Variants in LIMS1 observed in about 807,000 individuals in gnomAD.
LIMS1 encodes the protein LIM zinc finger domain containing 1.
Under a neutral mutation model 44.1 loss-of-function variants are expected in LIMS1, and 18 were observed. The observed-to-expected ratio is 0.41, with a 90% CI of 0.28 to 0.61. The LOEUF is 0.61. Ranked by LOEUF, LIMS1 falls within the 20% of genes least tolerant of loss-of-function variation. LIMS1 has a pLI of 0.32. For missense variants in LIMS1, 201 were observed against 422.0 expected (o/e 0.48, Z 4.59); for synonymous variants, 93 against 149.1 (o/e 0.62, Z 2.74).
At chr2:108,675,956 C>T in exon 6 of LIMS1, 1 of 1,613,988 alleles carries the variant, frequency 6.2e-7, no homozygotes. Context: ...TGGGGGTCCC[C>T]ATCTGTGGTG....
chr2:108,551,622 A>ATCTGTG (rs1404305782), intron 1 of LIMS1, among the ~76,000 whole-genome samples: 1,687 of 142,702 alleles, frequency 0.012, 45 homozygotes, highest in African/African-American at 0.044. Context: ...ATATATGTAT[A>ATCTGTG]TATGTGTATA....
intron 1 of LIMS1, among the ~76,000 whole-genome samples, chr2:108,651,078 A>C (rs2148945574): frequency 6.6e-6 from 1 of 152,272 alleles, no homozygotes; most frequent in South Asian, 2.1e-4. Context: ...TGCTAAAGGA[A>C]GGGCAGCCCA....
chr2:108,622,034 AT>A (rs941418414), intron 1 of LIMS1, among the ~76,000 whole-genome samples: 38 of 152,200 alleles, frequency 2.5e-4, no homozygotes, highest in Middle Eastern at 3.4e-3. Flanking sequence ...ACACAATTTT[AT>A]TTTTTTGTTG....
chr2:108,656,292 T>C (rs958386605), intron 1 of LIMS1, among the ~76,000 whole-genome samples: 2 of 137,592 alleles, frequency 1.5e-5, no homozygotes, highest in African/African-American at 5.2e-5. Context: ...TCCTGACTTT[T>C]ACATATAAAT....
rs1250354501 is a variant in LIMS1, at chr2:108,661,551, A to G, written c.192+1787A>G. Among the ~76,000 whole-genome samples the G allele has an allele frequency of 2.0e-5, 3 of 152,118 alleles. No individual in the cohort carries two copies. The East Asian group carries it at 5.8e-4, about 29-fold the overall frequency. ...CAGAAGAGGGCAGGAGAGGAGCTCC[A>G]GAGGTGTGAATGGAGGCATCAGGCA... On this transcript the variant is annotated intron_variant, in intron 2 of 9. Coordinates refer to ENST00000544547, the Ensembl canonical transcript of LIMS1.
intron 1 of LIMS1, among the ~76,000 whole-genome samples, chr2:108,650,715 T>C (rs993894819): frequency 3.3e-5 from 5 of 152,346 alleles, no homozygotes; most frequent in African/African-American, 1.2e-4. Flanking sequence ...CGTGAGCCAC[T>C]GCACCTGACC....
At chr2:108,563,690 T>C (rs1685199337) in intron 1 of LIMS1, among the ~76,000 whole-genome samples, 1 of 152,210 alleles carries the variant, frequency 6.6e-6, no homozygotes, top group Admixed American at 6.5e-5. Context: ...ATTATTGAAA[T>C]GATAACAAAG....
At chr2:108,667,097 ACCCCAAC>A (rs1320162014) in intron 2 of LIMS1, among the ~76,000 whole-genome samples, 1 of 151,790 alleles carries the variant, frequency 6.6e-6, no homozygotes, top group Non-Finnish European at 1.5e-5. Flanking sequence ...GGGGCTGAAA[ACCCCAAC>A]CATCCGATTC....
chr2:108,560,482 C>T (rs1685075009), intron 1 of LIMS1, among the ~76,000 whole-genome samples: 2 of 152,164 alleles, frequency 1.3e-5, no homozygotes, highest in South Asian at 4.2e-4. Flanking sequence ...ACCAGCGGGG[C>T]TTCCATCCCA....
intron 1 of LIMS1, among the ~76,000 whole-genome samples, chr2:108,604,226 T>C (rs1687155518): frequency 6.6e-6 from 1 of 152,200 alleles, no homozygotes; most frequent in Admixed American, 6.5e-5. Context: ...TTGACCTTTT[T>C]TAATGGTTGA....
intron 1 of LIMS1, among the ~76,000 whole-genome samples, chr2:108,543,446 A>G (rs1684381500): frequency 6.6e-6 from 1 of 152,224 alleles, no homozygotes; most frequent in African/African-American, 2.4e-5. Flanking sequence ...ACAGAAACCT[A>G]CCAAGAGTTT....
Position 108,674,733 on chromosome 2 carries a change from A to G in LIMS1, c.531-1145A>G, listed in dbSNP as rs1353603765. On this transcript the variant is annotated intron_variant, in intron 5 of 9. Transcript: ENST00000544547. ...AAGACTCGTCTCAAAAAAAAAAAAAAAAAAAGAGAAAGAAAGAAAACAGTT... is the reference window on the plus strand; with the variant it reads ...AAGACTCGTCTCAAAAAAAAAAAAAGAAAAAGAGAAAGAAAGAAAACAGTT... Among the ~76,000 whole-genome samples the G allele has an allele frequency of 2.0e-5, 3 of 146,986 alleles. No individual in the cohort carries two copies. In the Admixed American group the frequency reaches 2.1e-4, roughly 10 times the overall value.
At chr2:108,643,602 A>T (rs1235752486) in intron 1 of LIMS1, among the ~76,000 whole-genome samples, 1 of 150,284 alleles carries the variant, frequency 6.7e-6, no homozygotes, top group Non-Finnish European at 1.5e-5. Flanking sequence ...TTTTTTTCAT[A>T]CCCCAGTGGT....
intron 1 of LIMS1, among the ~76,000 whole-genome samples, chr2:108,644,411 G>A (rs1205870123): frequency 6.6e-6 from 1 of 152,158 alleles, no homozygotes; most frequent in African/African-American, 2.4e-5. Flanking sequence ...GGGCCTGACT[G>A]TTAGAAGGAA....
At chr2:108,617,872 A>G (rs1263330002) in intron 1 of LIMS1, among the ~76,000 whole-genome samples, 1 of 152,186 alleles carries the variant, frequency 6.6e-6, no homozygotes, top group Non-Finnish European at 1.5e-5. Flanking sequence ...TGCTGGAGTC[A>G]AAGTACAGAT....
intron 1 of LIMS1, among the ~76,000 whole-genome samples, chr2:108,618,590 G>A (rs111288427): frequency 1.5e-4 from 23 of 152,176 alleles, no homozygotes; most frequent in African/African-American, 4.3e-4. Context: ...CCGTTGGGAG[G>A]CTGAGGCGGG....
chr2:108,676,276 A>G (rs1191513859), intron 6 of LIMS1, among the ~76,000 whole-genome samples: 1 of 152,226 alleles, frequency 6.6e-6, no homozygotes, highest in Non-Finnish European at 1.5e-5. Context: ...ATGATACAGG[A>G]TGTGTACTTT....
chr2:108,616,205 T>C (rs1051568453), intron 1 of LIMS1, among the ~76,000 whole-genome samples: 1 of 144,144 alleles, frequency 6.9e-6, no homozygotes, highest in African/African-American at 2.6e-5. Context: ...GGCTTTTTTT[T>C]TTTTTTTTTT....
At chr2:108,575,649 G>T (rs539042458) in intron 1 of LIMS1, among the ~76,000 whole-genome samples, 20 of 152,324 alleles carry the variant, frequency 1.3e-4, no homozygotes, top group Non-Finnish European at 2.1e-4. Flanking sequence ...TGTTAGAGTT[G>T]CAGGGTTTGC....
Sources: gnomAD v4.1 joint callset for allele counts (sites outside exome capture counted in the v4.1 genomes callset) on GRCh38, gnomAD v4.1.1 for gene constraint, MANE v1.5 for transcripts, NCBI Gene and HGNC (gene_info 2026-07-23, HGNC 2026-07-21) for gene names.